The following LCOR variants were observed in gnomAD, a reference collection of about 807,000 sequenced individuals.
LCOR encodes ligand-dependent corepressor.
In LCOR, 14 loss-of-function variants were observed where a neutral mutation model predicts 64.4. That is an observed-to-expected ratio of 0.22 (90% CI 0.14 to 0.34). The LOEUF is 0.34. LCOR is among the 10% of genes least tolerant of loss of function. The pLI is 1.00. For synonymous variants in LCOR, 643 were observed against 642.5 expected (o/e 1.00, Z -0.01); for missense variants, 1,686 against 1,765.3 (o/e 0.96, Z 0.80).
rs542026691 is a variant in LCOR at position 96,990,109 on chromosome 10, G to A, written c.*4975G>A. ...CATGCTTGCTCTCAAATCCTTTTCA[G>A]GGGAAAAATAAAAAGATTATTGTAT... On this transcript the variant is annotated 3_prime_UTR_variant, in exon 8 of 8. Transcript: ENST00000421806. 6.6e-6 allele frequency: 1 copy of A among 152,024 alleles called. No individual in the cohort carries two copies. The highest frequency in any genetic ancestry group is 2.1e-4 in the South Asian group (1 of 4,820). The allele number at this position is 152,024 out of a possible 1,614,324, so 9.4% of individuals were successfully genotyped here. A position where few individuals can be genotyped will look rare whatever the true frequency, so the allele number is the denominator to read the frequency against.
chr10:96,913,032 T>C (rs1846871733), intron 4 of LCOR, among the ~76,000 whole-genome samples: 1 of 152,210 alleles, frequency 6.6e-6, no homozygotes, highest in Non-Finnish European at 1.5e-5. Flanking sequence ...GTTGTGTCCT[T>C]TTTGACATCT....
chr10:96,853,371 A>G (rs1845751975), intron 2 of LCOR, among the ~76,000 whole-genome samples: 1 of 152,198 alleles, frequency 6.6e-6, no homozygotes, highest in Admixed American at 6.6e-5. Flanking sequence ...AACATCATAA[A>G]CGGAAGAATA....
chr10:96,883,796 A>G (rs1407419385), intron 2 of LCOR, among the ~76,000 whole-genome samples: 1 of 152,162 alleles, frequency 6.6e-6, no homozygotes, highest in East Asian at 1.9e-4. Context: ...TTACCTTCTC[A>G]TTCTCTTGAA....
intron 4 of LCOR, among the ~76,000 whole-genome samples, chr10:96,934,137 T>C (rs1847309269): frequency 6.6e-6 from 1 of 152,178 alleles, no homozygotes; most frequent in African/African-American, 2.4e-5. Flanking sequence ...TTTAAAGTAA[T>C]CCAGATTCAG....
At chr10:96,917,777 T>G (rs899059591) in intron 4 of LCOR, among the ~76,000 whole-genome samples, 1 of 152,140 alleles carries the variant, frequency 6.6e-6, no homozygotes, top group Non-Finnish European at 1.5e-5. Context: ...AATAAAGAGT[T>G]GTCGAAGCTT....
chr10:96,955,261 C>T, intron 7 of LCOR: 38 of 1,614,094 alleles, frequency 2.4e-5, no homozygotes, highest in Non-Finnish European at 3.2e-5. Flanking sequence ...GGAAATGGTG[C>T]ACTCAGCAAC....
chr10:96,926,292 A>G (rs1242884102), intron 4 of LCOR, among the ~76,000 whole-genome samples: 1 of 152,262 alleles, frequency 6.6e-6, no homozygotes, highest in Non-Finnish European at 1.5e-5. Flanking sequence ...ATAGCCACTA[A>G]CAGCATATCC....
chr10:96,878,191 G>A (rs1028281734), intron 2 of LCOR, among the ~76,000 whole-genome samples: 4 of 152,202 alleles, frequency 2.6e-5, no homozygotes, highest in African/African-American at 9.6e-5. Flanking sequence ...AAAATCAGCA[G>A]CATTGTAGGC....
intron 7 of LCOR, among the ~76,000 whole-genome samples, chr10:96,978,516 T>C (rs578194888): frequency 2.0e-5 from 3 of 152,334 alleles, no homozygotes; most frequent in East Asian, 3.9e-4. Context: ...GTAATACTTC[T>C]ATAATAATAT....
chr10:96,958,519 G>A, intron 7 of LCOR: 3 of 752,104 alleles, frequency 4.0e-6, no homozygotes, highest in South Asian at 3.0e-5. Context: ...GTTGTAAATA[G>A]TGAAAATTTG....
At chr10:96,866,720 G>A (rs938589464) in intron 2 of LCOR, among the ~76,000 whole-genome samples, 3 of 150,890 alleles carry the variant, frequency 2.0e-5, no homozygotes, top group Non-Finnish European at 3.0e-5. Context: ...GATTACAGGC[G>A]CACACTACCA....
chr10:96,987,019 G>C lies in LCOR; in HGVS notation c.*1885G>C, dbSNP rs1206618545. ...TTGAATTTCATAGCTAGAGAAGCTTGCTGTCTTATGAAGCCCTGATTTTTT... is the reference window on the plus strand; with the variant it reads ...TTGAATTTCATAGCTAGAGAAGCTTCCTGTCTTATGAAGCCCTGATTTTTT... On this transcript the variant is annotated 3_prime_UTR_variant, in exon 8 of 8. Transcript: ENST00000421806. 6.6e-6 allele frequency: 1 copy of C among 152,170 alleles called. No individual in the cohort carries two copies. Among genetic ancestry groups the C allele is most frequent in the Non-Finnish European group, 1.5e-5 (1 of 68,024 alleles). The allele number at this position is 152,170 out of a possible 1,614,324, so 9.4% of individuals were successfully genotyped here.
At chr10:96,955,761 A>T in intron 7 of LCOR, 1 of 1,614,208 alleles carries the variant, frequency 6.2e-7, no homozygotes, top group South Asian at 1.1e-5. Context: ...TCCCCACAGT[A>T]CACTGGAGTA....
chr10:96,899,991 G>C (rs774018080), intron 2 of LCOR, among the ~76,000 whole-genome samples: 3 of 152,062 alleles, frequency 2.0e-5, no homozygotes, highest in Admixed American at 6.5e-5. Context: ...TTTTATTATA[G>C]TCACAGAATT....
chr10:96,933,434 A>T (rs915459872), intron 4 of LCOR, among the ~76,000 whole-genome samples: 6 of 152,228 alleles, frequency 3.9e-5, no homozygotes, highest in Admixed American at 1.3e-4. Flanking sequence ...CTTTATTTAT[A>T]TAGAGGAATA....
chr10:96,886,438 A>C (rs1273619255), intron 2 of LCOR, among the ~76,000 whole-genome samples: 1 of 152,186 alleles, frequency 6.6e-6, no homozygotes, highest in South Asian at 2.1e-4. Context: ...ATTTTGGAGT[A>C]TTTTGGATTT....
At position 96,995,663 on chromosome 10, in the gene LCOR, T is replaced by C. The variant is rs1410430603; in HGVS notation, c.*10529T>C. 2.0e-5 allele frequency: 3 copies of C among 152,254 alleles called. No homozygotes were observed. The highest frequency in any genetic ancestry group is 2.9e-5 in the Non-Finnish European group (2 of 68,040). 9.4% of individuals were successfully genotyped at this position (152,254 alleles called of 1,614,324 possible). On this transcript the variant is annotated 3_prime_UTR_variant, in exon 8 of 8. Coordinates refer to ENST00000421806, the MANE Select transcript of LCOR (RefSeq NM_001346516.2). This position sits in a 1 kb window ranked among gnomAD's most constrained non-coding sequence, Gnocchi z 4.2. ...GTTGGAGTTATTTTAACTTTGAATATGTACCAAGTCTCTTAAATATTGAAA... is the reference window on the plus strand; with the variant it reads ...GTTGGAGTTATTTTAACTTTGAATACGTACCAAGTCTCTTAAATATTGAAA...
At chr10:96,920,461 C>CATATATATGTATATTCAT (rs374993931) in intron 4 of LCOR, among the ~76,000 whole-genome samples, 1 of 13,646 alleles carries the variant, frequency 7.3e-5, no homozygotes, top group African/African-American at 2.6e-4. Flanking sequence ...TATGTATATT[C>CATATATATGTATATTCAT]ATATATGTGT....
chr10:96,943,126 G>C (rs1847525338), intron 4 of LCOR, among the ~76,000 whole-genome samples: 1 of 151,832 alleles, frequency 6.6e-6, no homozygotes, highest in Non-Finnish European at 1.5e-5. Flanking sequence ...TTGAGACAAA[G>C]TCTTGCTGTG....
Sources: gnomAD v4.1 joint callset for allele counts (sites outside exome capture counted in the v4.1 genomes callset) on GRCh38, gnomAD v4.1.1 for gene constraint, Gnocchi (gnomAD v3.1) non-coding constraint, MANE v1.5 for transcripts, NCBI Gene and HGNC (gene_info 2026-07-23, HGNC 2026-07-21) for gene names.